The following NTNG1 variants were observed in gnomAD, a reference collection of about 807,000 sequenced individuals.
The protein encoded by NTNG1 is netrin-G1.
NTNG1 carries 16 observed loss-of-function variants against 54.0 expected under a neutral mutation model. The observed-to-expected ratio is 0.30, with a 90% confidence interval of 0.20 to 0.45. The LOEUF (loss-of-function observed/expected upper bound fraction) is 0.45, where lower values mean the gene tolerates loss of function less well. Ranked by LOEUF, NTNG1 falls within the 20% of genes least tolerant of loss-of-function variation. NTNG1 has a pLI of 1.00. For missense variants in NTNG1, 530 were observed against 678.7 expected (o/e 0.78, Z 2.43); for synonymous variants, 255 against 263.1 (o/e 0.97, Z 0.30).
chr1:107,472,184 G>A (rs1223661034), intron 7 of NTNG1, among the ~76,000 whole-genome samples: 1 of 152,096 alleles, frequency 6.6e-6, no homozygotes, highest in Non-Finnish European at 1.5e-5. Flanking sequence ...AACTATCCCT[G>A]TTCCATGGGG....
At chr1:107,202,255 A>T (rs1003773455) in intron 2 of NTNG1, among the ~76,000 whole-genome samples, 1 of 151,794 alleles carries the variant, frequency 6.6e-6, no homozygotes, top group Non-Finnish European at 1.5e-5. Flanking sequence ...TCCTATTTTC[A>T]AATCTCAGTT....
intron 2 of NTNG1, among the ~76,000 whole-genome samples, chr1:107,282,355 G>T (rs528302404): frequency 1.2e-4 from 18 of 152,100 alleles, no homozygotes; most frequent in African/African-American, 4.3e-4. Context: ...TAACACCCTG[G>T]GATCTGCAAA....
At chr1:107,449,999 A>C (rs2101476628) in intron 7 of NTNG1, among the ~76,000 whole-genome samples, 1 of 152,218 alleles carries the variant, frequency 6.6e-6, no homozygotes, top group African/African-American at 2.4e-5. Context: ...AAGTAGGTAT[A>C]AAGAAAAATG....
chr1:107,281,673 A>G (rs1381142369), intron 2 of NTNG1, among the ~76,000 whole-genome samples: 1 of 152,112 alleles, frequency 6.6e-6, no homozygotes, highest in African/African-American at 2.4e-5. Context: ...GTGTGTGTAT[A>G]TACCCATAAA....
intron 5 of NTNG1, chr1:107,418,526 C>A: frequency 7.8e-7 from 1 of 1,289,948 alleles, no homozygotes; most frequent in Admixed American, 2.2e-5. Flanking sequence ...CTGTTTAGAC[C>A]AAATGACATT....
chr1:107,263,485 TGAATATGAAACATTTTAA>T (rs1376641597), intron 2 of NTNG1, among the ~76,000 whole-genome samples: 1 of 152,180 alleles, frequency 6.6e-6, no homozygotes, highest in African/African-American at 2.4e-5. Context: ...TCATGAATAG[TGAATATGAAACATTTTAA>T]GAATGTAGTA....
intron 2 of NTNG1, among the ~76,000 whole-genome samples, chr1:107,234,555 A>G (rs547214165): frequency 6.6e-6 from 1 of 152,274 alleles, no homozygotes; most frequent in Non-Finnish European, 1.5e-5. Flanking sequence ...CAGCCATTTC[A>G]TGAGGTAGCT....
At chr1:107,338,033 G>A (rs1454066560) in intron 3 of NTNG1, among the ~76,000 whole-genome samples, 1 of 151,984 alleles carries the variant, frequency 6.6e-6, no homozygotes, top group Non-Finnish European at 1.5e-5. Flanking sequence ...ATTTCATACT[G>A]TAGGTAAGCA....
intron 3 of NTNG1, among the ~76,000 whole-genome samples, chr1:107,389,165 G>C (rs1557957647): frequency 6.6e-6 from 1 of 152,234 alleles, no homozygotes; most frequent in Non-Finnish European, 1.5e-5. Context: ...GTCGTCCTCA[G>C]AGCCCTGAAA....
chr1:107,286,428 C>A (rs773209153), intron 2 of NTNG1, among the ~76,000 whole-genome samples: 1 of 152,096 alleles, frequency 6.6e-6, no homozygotes, highest in Non-Finnish European at 1.5e-5. Flanking sequence ...AGGAACCATG[C>A]AAGGAAAAAT....
rs1654344740 is a variant in NTNG1 at position 107,148,908 on chromosome 1, G to T, written c.246+69G>T. 6.2e-6 allele frequency: 9 copies of T among 1,463,216 alleles called. No individual in the cohort carries two copies. In the South Asian group the frequency reaches 9.8e-5, roughly 16 times the overall value. The allele number at this position is 1,463,216 out of a possible 1,614,324, so 90.6% of individuals were successfully genotyped here. A position where few individuals can be genotyped will look rare whatever the true frequency, so the allele number is the denominator to read the frequency against. ...CTAATCGCATATGCATACAGATGTGGTGAGTGTGAAGACAATTCATGCAAT... is the reference window on the plus strand; with the variant it reads ...CTAATCGCATATGCATACAGATGTGTTGAGTGTGAAGACAATTCATGCAAT... On this transcript the variant is annotated intron_variant, in intron 2 of 7. Transcript: ENST00000370068.
At chr1:107,383,296 G>A (rs1213040355) in intron 3 of NTNG1, among the ~76,000 whole-genome samples, 1 of 152,250 alleles carries the variant, frequency 6.6e-6, no homozygotes, top group East Asian at 1.9e-4. Context: ...CTGTGGCTTT[G>A]CAAAACCCAA....
chr1:107,265,695 A>G (rs1663688051), intron 2 of NTNG1, among the ~76,000 whole-genome samples: 1 of 152,236 alleles, frequency 6.6e-6, no homozygotes, highest in African/African-American at 2.4e-5. Flanking sequence ...TGAAATTATA[A>G]GAATTATGGG....
intron 3 of NTNG1, among the ~76,000 whole-genome samples, chr1:107,373,693 T>TA (rs1436452739): frequency 6.6e-6 from 1 of 151,466 alleles, no homozygotes; most frequent in African/African-American, 2.4e-5. Context: ...CTTTTTTATT[T>TA]TTTATTTATT....
chr1:107,214,982 G>GT (rs1451240714), intron 2 of NTNG1, among the ~76,000 whole-genome samples: 1 of 151,514 alleles, frequency 6.6e-6, no homozygotes, highest in African/African-American at 2.4e-5. Context: ...GGGATTGTTT[G>GT]TTTTTTCTTG....
chr1:107,258,299 A>AC (rs1356179000), intron 2 of NTNG1, among the ~76,000 whole-genome samples: 22 of 151,668 alleles, frequency 1.5e-4, no homozygotes, highest in African/African-American at 5.3e-4. Flanking sequence ...AAAAAAAAAA[A>AC]CCCATGATAT....
chr1:107,413,718 G>A (rs1017363974), intron 5 of NTNG1, among the ~76,000 whole-genome samples: 1 of 152,066 alleles, frequency 6.6e-6, no homozygotes, highest in African/African-American at 2.4e-5. Flanking sequence ...TAATAAAAAA[G>A]CAACTCATCC....
chr1:107,179,258 G>T (rs1211937601), intron 2 of NTNG1, among the ~76,000 whole-genome samples: 2 of 152,110 alleles, frequency 1.3e-5, no homozygotes, highest in Non-Finnish European at 2.9e-5. Flanking sequence ...CTGGAACTTG[G>T]TGGATCTACC....
intron 3 of NTNG1, among the ~76,000 whole-genome samples, chr1:107,327,245 G>A (rs1460133581): frequency 6.6e-6 from 1 of 152,120 alleles, no homozygotes. Flanking sequence ...GGCACCAGAT[G>A]GCTGGAGTAT....
Sources: gnomAD v4.1 joint callset for allele counts (sites outside exome capture counted in the v4.1 genomes callset) on GRCh38, gnomAD v4.1.1 for gene constraint, MANE v1.5 for transcripts, NCBI Gene and HGNC (gene_info 2026-07-23, HGNC 2026-07-21) for gene names.